SELENOI: variants seen among roughly 807,000 people sequenced by gnomAD.
The protein encoded by SELENOI is ethanolaminephosphotransferase 1.
Under a neutral mutation model 50.7 loss-of-function variants are expected in SELENOI, and 24 were observed. The observed-to-expected ratio is 0.47, with a 90% CI of 0.34 to 0.67. SELENOI has a LOEUF of 0.67. SELENOI is among the 30% of genes least tolerant of loss of function. The probability of loss-of-function intolerance (pLI) is 0.01; values close to 1 mark genes in which losing one functional copy is unlikely to be tolerated. For synonymous variants in SELENOI, 155 were observed against 170.2 expected (o/e 0.91, Z 0.70); for missense variants, 352 against 461.4 (o/e 0.76, Z 2.17).
At chr2:26,370,735 G>A (rs1217916546) in intron 4 of SELENOI, among the ~76,000 whole-genome samples, 5 of 137,648 alleles carry the variant, frequency 3.6e-5, no homozygotes, top group East Asian at 4.8e-4. Context: ...CTGGCCGGGC[G>A]GGGGGCTGAC....
intron 4 of SELENOI, among the ~76,000 whole-genome samples, chr2:26,371,484 T>A (rs1250670233): frequency 6.8e-6 from 1 of 147,350 alleles, no homozygotes; most frequent in Non-Finnish European, 1.5e-5. Flanking sequence ...GCTGCAATCT[T>A]GGCACTTTGG....
rs770589813 is a variant in SELENOI, at chr2:26,367,214, A to C, written c.304A>C (p.Thr102Pro). The change falls in exon 4 of 10, where the codon ACT becomes CCT. Residue 102 changes from threonine to proline, a missense_variant. Transcript: ENST00000260585. ...GGGCATCCTCAACTTCGTAGCCTAC[A>C]CTCTAGGTAAGGAATTGGTAAATAC... The part of the protein sequence containing the change: ...VVGILNFVAY[T>P]LDGVDGKQAR... 1 of 1,607,972 alleles carries C rather than the reference A, an allele frequency of 6.2e-7. No homozygotes were observed. The highest frequency in any genetic ancestry group is 8.5e-7 in the Non-Finnish European group (1 of 1,177,004).
intron 6 of SELENOI, among the ~76,000 whole-genome samples, chr2:26,376,448 T>A (rs1257346322): frequency 6.6e-6 from 1 of 152,244 alleles, no homozygotes; most frequent in African/African-American, 2.4e-5. Context: ...CAGAATCCTC[T>A]GGTATATGAG....
intron 6 of SELENOI, among the ~76,000 whole-genome samples, chr2:26,380,675 G>A (rs183931589): frequency 1.3e-5 from 2 of 152,340 alleles, no homozygotes; most frequent in Admixed American, 6.5e-5. Flanking sequence ...GAGGACAAAT[G>A]TGTGCTGTTT....
intron 9 of SELENOI, among the ~76,000 whole-genome samples, chr2:26,387,308 A>G (rs889324960): frequency 2.0e-5 from 3 of 152,142 alleles, no homozygotes; most frequent in Admixed American, 6.5e-5. Flanking sequence ...AGGCTGTGCA[A>G]TATTCCACCA....
chr2:26,349,991 C>CCTAG (rs1360631107), intron 1 of SELENOI, among the ~76,000 whole-genome samples: 1 of 149,638 alleles, frequency 6.7e-6, no homozygotes, highest in Non-Finnish European at 1.5e-5. Context: ...TGCCTATGGT[C>CCTAG]CTAGCTACTT....
chr2:26,347,645 C>T (rs79855499), intron 1 of SELENOI, among the ~76,000 whole-genome samples: 4,169 of 152,226 alleles, frequency 0.027, 156 homozygotes, highest in African/African-American at 0.087. Flanking sequence ...CCTGTTTTGC[C>T]TTAAGCTCTA....
At chr2:26,372,469 T>C (rs1272915321) in intron 4 of SELENOI, among the ~76,000 whole-genome samples, 2 of 152,236 alleles carry the variant, frequency 1.3e-5, no homozygotes, top group African/African-American at 4.8e-5. Context: ...ATTCTTCCAA[T>C]CCTTATAGCA....
chr2:26,370,726 TGGCCGGGCGGGG>T (rs1446487147), intron 4 of SELENOI, among the ~76,000 whole-genome samples: 29 of 136,572 alleles, frequency 2.1e-4, no homozygotes, highest in African/African-American at 7.9e-4. Flanking sequence ...ACGGGGCGGC[TGGCCGGGCGGGG>T]GGCTGACCCC....
At chr2:26,381,837 G>A (rs1453887139) in intron 6 of SELENOI, among the ~76,000 whole-genome samples, 1 of 152,166 alleles carries the variant, frequency 6.6e-6, no homozygotes, top group African/African-American at 2.4e-5. Context: ...TAAGCCAGAT[G>A]TCTTAGGAAT....
Position 26,380,506 on chromosome 2 carries a change from C to T in SELENOI, c.683-2793C>T, listed in dbSNP as rs532838689. 5.9e-5 allele frequency among the ~76,000 whole-genome samples: 9 copies of T among 152,220 alleles called. No individual in the cohort carries two copies. In the South Asian group the frequency reaches 1.5e-3, roughly 25 times the overall value. ...CTGGCACTTCATTGTGTGGATGTAC[C>T]GTAGTGTGTCCAACCATCCCCCTAT... is the stretch of plus-strand genomic sequence containing the variant. On this transcript the variant is annotated intron_variant, in intron 6 of 9. Transcript: ENST00000260585.
At chr2:26,354,618 C>T (rs1314343139) in intron 1 of SELENOI, among the ~76,000 whole-genome samples, 1 of 151,858 alleles carries the variant, frequency 6.6e-6, no homozygotes, top group Non-Finnish European at 1.5e-5. Flanking sequence ...GTCTTGATCT[C>T]CTGACTTCAT....
At chr2:26,355,460 C>G (rs748875246) in intron 1 of SELENOI, among the ~76,000 whole-genome samples, 2 of 152,180 alleles carry the variant, frequency 1.3e-5, no homozygotes, top group Admixed American at 6.5e-5. Flanking sequence ...TGTTTGATAT[C>G]CAAATTCCTC....
At chr2:26,379,495 G>T (rs1677639240) in intron 6 of SELENOI, among the ~76,000 whole-genome samples, 1 of 151,950 alleles carries the variant, frequency 6.6e-6, no homozygotes, top group South Asian at 2.1e-4. Context: ...TTGGGGGTTG[G>T]GGGGCATGCT....
chr2:26,378,699 G>C (rs1677620422), intron 6 of SELENOI, among the ~76,000 whole-genome samples: 1 of 151,850 alleles, frequency 6.6e-6, no homozygotes, highest in Admixed American at 6.6e-5. Context: ...CTGTCCTTCA[G>C]TATTTTCTAG....
At chr2:26,369,902 A>G (rs903646226) in intron 4 of SELENOI, among the ~76,000 whole-genome samples, 6 of 151,430 alleles carry the variant, frequency 4.0e-5, no homozygotes, top group Non-Finnish European at 5.9e-5. Context: ...GGTGTTTCTC[A>G]CAGAGGGGGA....
At chr2:26,352,783 CAAT>C (rs1386858286) in intron 1 of SELENOI, among the ~76,000 whole-genome samples, 2 of 134,736 alleles carry the variant, frequency 1.5e-5, no homozygotes, top group African/African-American at 2.7e-5. Flanking sequence ...GACTTCATCT[CAAT>C]AATAATAAAA....
At chr2:26,352,517 G>C (rs1404950552) in intron 1 of SELENOI, among the ~76,000 whole-genome samples, 1 of 152,190 alleles carries the variant, frequency 6.6e-6, no homozygotes, top group East Asian at 1.9e-4. Flanking sequence ...GGGTGCGGTG[G>C]CTCACGCCTG....
intron 1 of SELENOI, among the ~76,000 whole-genome samples, chr2:26,355,080 G>T (rs1318469696): frequency 1.3e-5 from 2 of 152,190 alleles, no homozygotes; most frequent in African/African-American, 4.8e-5. Flanking sequence ...GGATAATTCT[G>T]AAAACTGAAT....
Sources: allele counts gnomAD v4.1 joint callset (sites outside exome capture counted in the v4.1 genomes callset), GRCh38; gene constraint gnomAD v4.1.1; transcripts MANE v1.5; gene names NCBI Gene and HGNC (gene_info 2026-07-23, HGNC 2026-07-21).